PTPN13: variants seen among roughly 807,000 people sequenced by gnomAD.
PTPN13 encodes tyrosine-protein phosphatase non-receptor type 13.
Under a neutral mutation model 284.0 loss-of-function variants are expected in PTPN13, and 191 were observed. The observed-to-expected ratio is 0.67, with a 90% CI of 0.60 to 0.76. PTPN13 has a LOEUF of 0.76. PTPN13 is among the 30% of genes least tolerant of loss of function. The pLI, the probability that PTPN13 is intolerant of heterozygous loss-of-function variation, is 0.00. For missense variants in PTPN13, 2,797 were observed against 2,939.9 expected, an observed-to-expected ratio of 0.95 and a Z score of 1.12; for synonymous variants, 986 against 1,022.3, an observed-to-expected ratio of 0.96 and a Z score of 0.68.
intron 1 of PTPN13, among the ~76,000 whole-genome samples, chr4:86,627,033 A>C (rs1387361455): frequency 1.3e-5 from 2 of 152,166 alleles, no homozygotes; most frequent in Non-Finnish European, 2.9e-5. Flanking sequence ...AGCCTTAAAA[A>C]AGAAGGAAAT....
At chr4:86,703,083 A>G (rs949894595) in intron 7 of PTPN13, among the ~76,000 whole-genome samples, 1 of 152,130 alleles carries the variant, frequency 6.6e-6, no homozygotes, top group Non-Finnish European at 1.5e-5. Context: ...TCAGGAATTG[A>G]AAATTAGTAA....
chr4:86,692,337 A>G (rs1373873201), intron 5 of PTPN13, among the ~76,000 whole-genome samples: 2 of 152,216 alleles, frequency 1.3e-5, no homozygotes, highest in East Asian at 3.8e-4. Context: ...GATTTCAGAA[A>G]TACTTCCATT....
chr4:86,691,823 T>C (rs1290299058), intron 5 of PTPN13, among the ~76,000 whole-genome samples: 2 of 152,304 alleles, frequency 1.3e-5, no homozygotes, highest in Admixed American at 1.3e-4. Flanking sequence ...TGAGTTAGTC[T>C]TTCACTGGTG....
At chr4:86,749,526 C>T (rs981409844) in intron 17 of PTPN13, among the ~76,000 whole-genome samples, 1 of 152,142 alleles carries the variant, frequency 6.6e-6, no homozygotes, top group Non-Finnish European at 1.5e-5. Context: ...ATTTGAAATC[C>T]TTTGCTCCTA....
At chr4:86,615,893 C>T (rs1435724038) in intron 1 of PTPN13, among the ~76,000 whole-genome samples, 2 of 152,132 alleles carry the variant, frequency 1.3e-5, no homozygotes. Context: ...ATTTCTAAGT[C>T]ATAGGCTCAA....
In PTPN13 at chr4:86,768,902, G is replaced by A. The variant is rs189916841; in HGVS notation, c.4490-867G>A. On this transcript the variant is annotated intron_variant, in intron 28 of 47. Transcript: ENST00000411767. ...TTTTTGTATTTTTAGTACAGACGGG[G>A]TTTCACCATGTTGGCCAAACTGGTC... Among the ~76,000 whole-genome samples the A allele has an allele frequency of 4.7e-3, 713 of 151,840 alleles. 5 individuals are homozygous for A. The highest frequency in any genetic ancestry group is 0.017 in the African/African-American group (686 of 41,426).
intron 40 of PTPN13, among the ~76,000 whole-genome samples, chr4:86,789,055 G>T (rs1033968616): frequency 1.3e-5 from 2 of 152,184 alleles, no homozygotes; most frequent in Non-Finnish European, 2.9e-5. Flanking sequence ...GCAGAGGAAT[G>T]AAGGCATAGA....
intron 10 of PTPN13, 106 bp from the exon 11 acceptor site, chr4:86,732,294 T>G: frequency 2.1e-6 from 2 of 936,124 alleles, no homozygotes; most frequent in Non-Finnish European, 3.1e-6. Flanking sequence ...AATGTGGTGA[T>G]TTTGTAGTTT....
intron 1 of PTPN13, among the ~76,000 whole-genome samples, chr4:86,610,942 AT>A (rs1214254569): frequency 6.6e-6 from 1 of 152,154 alleles, no homozygotes; most frequent in Non-Finnish European, 1.5e-5. Context: ...AAATAATTGG[AT>A]TTTTTGTGTA....
chr4:86,699,245 G>C (rs900441836), intron 6 of PTPN13, among the ~76,000 whole-genome samples: 4 of 152,050 alleles, frequency 2.6e-5, no homozygotes, highest in African/African-American at 9.7e-5. Flanking sequence ...AACAAAATTA[G>C]CGTGGTGGTG....
intron 6 of PTPN13, 69 bp from the exon 7 acceptor site, chr4:86,701,172 A>G (rs1210978055): frequency 1.7e-5 from 21 of 1,221,110 alleles, no homozygotes; most frequent in Middle Eastern, 2.8e-4. Flanking sequence ...TTCATTGTCA[A>G]TAGTGGATTA....
At chr4:86,703,703 C>T (rs1731413453) in intron 7 of PTPN13, among the ~76,000 whole-genome samples, 1 of 151,710 alleles carries the variant, frequency 6.6e-6, no homozygotes, top group Non-Finnish European at 1.5e-5. Context: ...CTCATATCTA[C>T]AAAAAAAATT....
intron 1 of PTPN13, among the ~76,000 whole-genome samples, chr4:86,596,217 A>G (rs539811703): frequency 2.2e-4 from 34 of 152,202 alleles, no homozygotes; most frequent in Admixed American, 1.4e-3. Flanking sequence ...GTTGTTAAGA[A>G]AAGGACTGAT....
At chr4:86,641,359 C>T (rs925559285) in intron 2 of PTPN13, among the ~76,000 whole-genome samples, 20 of 151,842 alleles carry the variant, frequency 1.3e-4, no homozygotes, top group Non-Finnish European at 2.6e-4. Context: ...TGAACTTGTA[C>T]GTTGTTCCTG....
At position 86,796,876 on chromosome 4, in the gene PTPN13, C is replaced by T. The variant is rs762747906; in HGVS notation, c.6348C>T (p.Ala2116=). ...ATTCTTATATATTTTTATTGTAGGC[C>T]ACCAAAATGAATGGCTGTGAAGAAT... ...GSPLPEYFTE[A]TKMNGCEEYC... The change falls in exon 41 of 48, where the codon GCC becomes GCT. Residue 2116 remains alanine, a splice_region_variant and synonymous_variant. Coordinates refer to ENST00000411767, the MANE Select transcript of PTPN13 (RefSeq NM_080683.3). 1.4e-6 allele frequency: 2 copies of T among 1,476,494 alleles called. No homozygotes were observed. The highest frequency in any genetic ancestry group is 4.7e-5 in the East Asian group (2 of 42,644). The allele number at this position is 1,476,494 out of a possible 1,614,324, so 91.5% of individuals were successfully genotyped here.
At position 86,799,135 on chromosome 4, in the gene PTPN13, G is replaced by C; in HGVS notation, c.6436G>C (p.Asp2146His). 1 of 1,593,272 alleles carries C rather than the reference G, an allele frequency of 6.3e-7. No homozygotes were observed. Among genetic ancestry groups the C allele is most frequent in the Non-Finnish European group, 8.5e-7 (1 of 1,171,016 alleles). Reference protein sequence around the residue: ...IQKPQEKKTDDDEITWGNDEL... With the variant: ...IQKPQEKKTDHDEITWGNDEL... ...GAAGCCACAAGAAAAGAAGACTGAT[G>C]ATGATGAAATAACATGGGGAAATGA... is the stretch of plus-strand genomic sequence containing the variant. The change falls in exon 42 of 48, where the codon GAT becomes CAT. Residue 2146 changes from aspartate to histidine, a missense_variant. Asp to His is a moderately conservative substitution (Grantham distance 81). Coordinates refer to ENST00000411767, the MANE Select transcript of PTPN13 (RefSeq NM_080683.3).
chr4:86,798,181 C>A (rs979947598), intron 41 of PTPN13, among the ~76,000 whole-genome samples: 2 of 152,186 alleles, frequency 1.3e-5, no homozygotes, highest in Non-Finnish European at 2.9e-5. Context: ...TAATTTCCCA[C>A]TGAAGCTCAC....
intron 1 of PTPN13, among the ~76,000 whole-genome samples, chr4:86,634,761 G>A (rs183970641): frequency 8.6e-4 from 131 of 152,202 alleles, no homozygotes; most frequent in Admixed American, 1.2e-3. Context: ...ATATATATTG[G>A]AGATAATAGA....
chr4:86,736,138 C>CTTAA (rs1272327172), intron 15 of PTPN13, among the ~76,000 whole-genome samples: 1 of 152,046 alleles, frequency 6.6e-6, no homozygotes. Context: ...TCTCAAAAGG[C>CTTAA]TTAAAATTCA....
Sources: allele counts gnomAD v4.1 joint callset (sites outside exome capture counted in the v4.1 genomes callset), GRCh38; gene constraint gnomAD v4.1.1; transcripts MANE v1.5; gene names NCBI Gene and HGNC (gene_info 2026-07-23, HGNC 2026-07-21).